Variants in KCNMA1 observed in about 807,000 individuals in gnomAD.
KCNMA1 encodes the protein Calcium-activated potassium channel subunit alpha-1.
KCNMA1 carries 29 observed loss-of-function variants against 140.0 expected under a neutral mutation model. The ratio of observed to expected loss-of-function variants is 0.21; its 90% confidence interval spans 0.15 to 0.28. The LOEUF (loss-of-function observed/expected upper bound fraction) is 0.28. Among genes scored for constraint, KCNMA1 ranks in the 10% least tolerant of loss-of-function variants. The pLI, the probability that KCNMA1 is intolerant of heterozygous loss-of-function variation, is 1.00. For missense variants in KCNMA1, 880 were observed against 1,602.2 expected (o/e 0.55, Z 7.70); for synonymous variants, 612 against 611.9 (o/e 1.00, Z 0.00).
chr10:77,499,430 CACACAT>C (rs2043066408), intron 1 of KCNMA1, among the ~76,000 whole-genome samples: 3 of 136,616 alleles, frequency 2.2e-5, no homozygotes, highest in East Asian at 2.0e-4. Flanking sequence ...TATACACACA[CACACAT>C]ACACACACAC....
intron 1 of KCNMA1, among the ~76,000 whole-genome samples, chr10:77,570,780 A>C (rs1008384547): frequency 2.0e-5 from 3 of 152,068 alleles, no homozygotes; most frequent in Non-Finnish European, 4.4e-5. Flanking sequence ...GAAAAAAAAA[A>C]ATTAGCCAGG....
chr10:77,281,615 T>C (rs1316146599), intron 2 of KCNMA1, among the ~76,000 whole-genome samples: 2 of 152,130 alleles, frequency 1.3e-5, no homozygotes, highest in Non-Finnish European at 2.9e-5. Context: ...ACTAACTCTA[T>C]GGCACCCTGC....
chr10:76,973,269 T>C (rs1233389047), intron 19 of KCNMA1: 1 of 152,312 alleles, frequency 6.6e-6, no homozygotes, highest in East Asian at 1.9e-4. Context: ...TGGAATTTTA[T>C]AGGAGCTGAA....
At chr10:77,060,201 G>C (rs1278977504) in intron 14 of KCNMA1, among the ~76,000 whole-genome samples, 1 of 152,096 alleles carries the variant, frequency 6.6e-6, no homozygotes, top group African/African-American at 2.4e-5. Flanking sequence ...TTTAGGTATA[G>C]GCAAGCTGAT....
chr10:77,230,678 A>C (rs184693365), intron 3 of KCNMA1, among the ~76,000 whole-genome samples: 2 of 152,294 alleles, frequency 1.3e-5, no homozygotes, highest in Admixed American at 1.3e-4. Context: ...GGAGGAAAAG[A>C]AGAACAATAT....
At chr10:76,974,565 C>T in intron 19 of KCNMA1, 3 of 1,545,108 alleles carry the variant, frequency 1.9e-6, no homozygotes, top group Non-Finnish European at 2.6e-6. Flanking sequence ...GATCTAGCTG[C>T]AACCTTGACT....
In KCNMA1 at chr10:77,511,751, T is replaced by C. The variant is rs377623276; in HGVS notation, c.379-107728A>G. On this transcript the variant is annotated intron_variant, in intron 1 of 27. Coordinates refer to ENST00000286628, the MANE Select transcript of KCNMA1 (RefSeq NM_001161352.2). The stretch of plus-strand genomic sequence containing the variant: ...GTCAGCTGACCTCAGGATGTGACTA[T>C]ACAGTCGTCCCTGTCATGGGCGAAT... Among the ~76,000 whole-genome samples, 14 of 152,344 alleles carry C rather than the reference T, an allele frequency of 9.2e-5. No individual in the cohort carries two copies. In the South Asian group the frequency reaches 2.9e-3, roughly 32 times the overall value.
In KCNMA1 at chr10:76,914,968, G is replaced by A. The variant is rs2052160267; in HGVS notation, c.2984C>T (p.Thr995Ile). The change falls in exon 24 of 28, where the codon ACT (threonine) becomes ATT (isoleucine). Residue 995 changes from threonine to isoleucine, a missense_variant. Around this residue, in one of 13 missense-constraint regions of KCNMA1, gnomAD observed 44 missense variants for 58.2 expected, o/e 0.76. Transcript: ENST00000286628. ...HGMLRQPSIT[T>I]GVNIPIITEL... ...AGTGATGATGGGGATGTTGACCCCA[G>A]TTGTGATGGATGGTTGACGTAACAT... 3 of 1,613,522 alleles carry A rather than the reference G, an allele frequency of 1.9e-6. No homozygotes were observed. In the East Asian group the frequency reaches 6.7e-5, roughly 36 times the overall value.
At chr10:77,029,150 T>C (rs993195576) in intron 15 of KCNMA1, among the ~76,000 whole-genome samples, 11 of 152,240 alleles carry the variant, frequency 7.2e-5, no homozygotes, top group African/African-American at 2.7e-4. Context: ...TACACTTACA[T>C]ACTTACAGAA....
intron 1 of KCNMA1, among the ~76,000 whole-genome samples, chr10:77,521,360 C>T (rs2053321905): frequency 1.3e-5 from 2 of 152,246 alleles, no homozygotes; most frequent in South Asian, 4.1e-4. Flanking sequence ...CATTCTCACT[C>T]TTGTCTGGTT....
chr10:77,004,025 G>T (rs533713716), intron 18 of KCNMA1, among the ~76,000 whole-genome samples: 1 of 152,104 alleles, frequency 6.6e-6, no homozygotes, highest in Non-Finnish European at 1.5e-5. Flanking sequence ...GGAACAGGCT[G>T]AAACTGGTAA....
chr10:77,587,558 T>C (rs2077606333), intron 1 of KCNMA1, among the ~76,000 whole-genome samples: 1 of 152,012 alleles, frequency 6.6e-6, no homozygotes, highest in Non-Finnish European at 1.5e-5. Flanking sequence ...AAAACAAAGC[T>C]AGAGAGTGTG....
chr10:76,947,406 CA>C (rs2064421767), intron 22 of KCNMA1, among the ~76,000 whole-genome samples: 1 of 152,008 alleles, frequency 6.6e-6, no homozygotes, highest in Non-Finnish European at 1.5e-5. Context: ...CACAAACACA[CA>C]AAACACACAC....
intron 1 of KCNMA1, among the ~76,000 whole-genome samples, chr10:77,408,998 T>G (rs1314538091): frequency 6.6e-6 from 1 of 151,890 alleles, no homozygotes; most frequent in African/African-American, 2.4e-5. Flanking sequence ...GAGAGAAGAG[T>G]GGCCACAGTC....
intron 17 of KCNMA1, among the ~76,000 whole-genome samples, chr10:77,017,742 A>C (rs1311535033): frequency 6.6e-6 from 1 of 152,158 alleles, no homozygotes; most frequent in African/African-American, 2.4e-5. Flanking sequence ...AATAATTAAG[A>C]GTGCAAGCTC....
At chr10:77,143,044 G>A (rs1021257359) in intron 5 of KCNMA1, among the ~76,000 whole-genome samples, 1 of 152,006 alleles carries the variant, frequency 6.6e-6, no homozygotes, top group Non-Finnish European at 1.5e-5. Flanking sequence ...AGGGACTGGA[G>A]GAAAAGAGAA....
intron 19 of KCNMA1, among the ~76,000 whole-genome samples, chr10:76,989,142 T>C (rs1426782556): frequency 6.6e-6 from 1 of 152,132 alleles, no homozygotes; most frequent in Admixed American, 6.6e-5. Flanking sequence ...GGAGCATAGA[T>C]AATACCAGGA....
chr10:77,323,657 G>A (rs920963697), intron 2 of KCNMA1, among the ~76,000 whole-genome samples: 1 of 152,212 alleles, frequency 6.6e-6, no homozygotes, highest in Non-Finnish European at 1.5e-5. Context: ...GGAGAGCAAA[G>A]AGTGCTAATT....
chr10:77,593,038 C>T (rs1026123175), intron 1 of KCNMA1, among the ~76,000 whole-genome samples: 1 of 152,154 alleles, frequency 6.6e-6, no homozygotes, highest in African/African-American at 2.4e-5. Flanking sequence ...GACCCTGTGC[C>T]CAAGCTTCTC....
Sources: allele counts gnomAD v4.1 joint callset (sites outside exome capture counted in the v4.1 genomes callset), GRCh38; gene constraint gnomAD v4.1.1; regional missense constraint gnomAD v4.1.1; transcripts MANE v1.5; gene names NCBI Gene and HGNC (gene_info 2026-07-23, HGNC 2026-07-21).